Variants in CCDC171 observed in about 807,000 individuals in gnomAD.
The protein encoded by CCDC171 is coiled-coil domain-containing protein 171.
CCDC171 carries 177 observed loss-of-function variants against 168.2 expected under a neutral mutation model. The ratio of observed to expected loss-of-function variants is 1.05; its 90% CI spans 0.93 to 1.19. The LOEUF (loss-of-function observed/expected upper bound fraction) is 1.19. Ranked by LOEUF, CCDC171 falls within the 50% of genes most tolerant of loss-of-function variation. The pLI is 0.00. For synonymous variants in CCDC171, 687 were observed against 540.8 expected, an observed-to-expected ratio of 1.27 and a Z score of -3.75; for missense variants, 1,991 against 1,539.0, an observed-to-expected ratio of 1.29 and a Z score of -4.91.
intron 16 of CCDC171, among the ~76,000 whole-genome samples, chr9:15,733,514 A>G (rs2054285084): frequency 6.9e-6 from 1 of 145,782 alleles, no homozygotes; most frequent in South Asian, 2.1e-4. Context: ...TGTCCATTCC[A>G]GTAACATTTA....
At chr9:15,906,218 C>A (rs1053775375) in intron 24 of CCDC171, among the ~76,000 whole-genome samples, 1 of 152,078 alleles carries the variant, frequency 6.6e-6, no homozygotes, top group Non-Finnish European at 1.5e-5. Flanking sequence ...GAGACACAAC[C>A]CAAAAAGAGA....
At chr9:15,650,108 A>T (rs1292395249) in intron 7 of CCDC171, among the ~76,000 whole-genome samples, 1 of 152,230 alleles carries the variant, frequency 6.6e-6, no homozygotes, top group Non-Finnish European at 1.5e-5. Flanking sequence ...AGGGACATGG[A>T]TGAAGCTGGA....
intron 1 of CCDC171, among the ~76,000 whole-genome samples, chr9:16,044,496 G>A (rs1312601521): frequency 1.3e-5 from 2 of 150,206 alleles, no homozygotes; most frequent in East Asian, 3.9e-4. Flanking sequence ...AAAAAAGAAT[G>A]AAAAATATAG....
intron 6 of CCDC171, among the ~76,000 whole-genome samples, chr9:16,035,149 T>C (rs1168883239): frequency 6.6e-6 from 1 of 152,180 alleles, no homozygotes; most frequent in Non-Finnish European, 1.5e-5. Context: ...TGACTGCAGC[T>C]CTCAGCTAAT....
chr9:16,072,568 G>A, the CCDC171 span, among the ~76,000 whole-genome samples: 1 of 152,218 alleles, frequency 6.6e-6, no homozygotes, highest in Admixed American at 6.5e-5. Flanking sequence ...ATCTAGCTGT[G>A]GGATGAGTCC....
rs141489395 is a variant in CCDC171, at chr9:16,055,139, G to A, written n.90-5507G>A. 3.9e-5 allele frequency among the ~76,000 whole-genome samples: 6 copies of A among 152,362 alleles called. No individual in the cohort carries two copies. The East Asian group carries it at 1.2e-3, about 29-fold the overall frequency. On this transcript the variant is annotated intron_variant and non_coding_transcript_variant, in intron 1 of 1. Transcript: ENST00000478913. ...GGAGGACCTCAGATTTTTGACCTGA[G>A]CATTTAGAAAAATGGAGATGTCATT...
chr9:15,563,160 C>G (rs1179114810), intron 1 of CCDC171, among the ~76,000 whole-genome samples: 2 of 145,808 alleles, frequency 1.4e-5, no homozygotes, highest in Non-Finnish European at 3.0e-5. Context: ...TTTTTTGACA[C>G]GGAGTTTCTC....
intron 23 of CCDC171, among the ~76,000 whole-genome samples, chr9:15,867,985 C>G (rs1368524506): frequency 1.3e-5 from 2 of 151,966 alleles, no homozygotes; most frequent in African/African-American, 4.8e-5. Flanking sequence ...ACCCTATTTT[C>G]CAGCTTGATA....
chr9:15,729,211 C>G (rs930226419), intron 15 of CCDC171, among the ~76,000 whole-genome samples: 3 of 152,096 alleles, frequency 2.0e-5, no homozygotes, highest in Admixed American at 2.0e-4. Context: ...ATGGTTAGAA[C>G]ATTCTGCTTT....
chr9:15,721,044 A>C (rs2053446249), intron 11 of CCDC171, among the ~76,000 whole-genome samples: 1 of 152,194 alleles, frequency 6.6e-6, no homozygotes, highest in South Asian at 2.1e-4. Flanking sequence ...TGTGACCTTT[A>C]TTAGCTCAAC....
intron 19 of CCDC171, among the ~76,000 whole-genome samples, chr9:15,778,228 C>G (rs1178618921): frequency 7.3e-6 from 1 of 137,526 alleles, no homozygotes; most frequent in Non-Finnish European, 1.5e-5. Flanking sequence ...ACCCGGGAAG[C>G]GGAGCTTGCA....
chr9:15,837,790 T>TA (rs2060512967), intron 21 of CCDC171, among the ~76,000 whole-genome samples: 1 of 152,308 alleles, frequency 6.6e-6, no homozygotes, highest in Non-Finnish European at 1.5e-5. Flanking sequence ...TCAGATATGT[T>TA]AAAAAATAAC....
intron 3 of CCDC171, among the ~76,000 whole-genome samples, chr9:15,985,669 A>T (rs920770952): frequency 6.6e-6 from 1 of 152,370 alleles, no homozygotes; most frequent in South Asian, 2.1e-4. Flanking sequence ...TTAGGAAGAA[A>T]CAAGTTGTAC....
chr9:15,958,166 G>T (rs184535108), intron 25 of CCDC171, among the ~76,000 whole-genome samples: 65 of 152,112 alleles, frequency 4.3e-4, no homozygotes, highest in African/African-American at 1.4e-3. Context: ...ACAGGCAGGT[G>T]TATAGAGTAC....
chr9:15,954,268 G>A (rs1490886515), intron 25 of CCDC171, among the ~76,000 whole-genome samples: 3 of 150,994 alleles, frequency 2.0e-5, no homozygotes, highest in Non-Finnish European at 2.9e-5. Flanking sequence ...GTAAAGTTAG[G>A]TTGTCGATTT....
chr9:15,585,131 T>C (rs186599932), intron 4 of CCDC171, among the ~76,000 whole-genome samples: 1 of 152,338 alleles, frequency 6.6e-6, no homozygotes, highest in Non-Finnish European at 1.5e-5. Context: ...GGGACTCATA[T>C]TTTTTGTTAA....
downstream of CCDC171, among the ~76,000 whole-genome samples, chr9:15,976,722 C>T (rs890855011): frequency 1.1e-4 from 16 of 151,742 alleles, no homozygotes; most frequent in African/African-American, 3.9e-4. Context: ...ATTTCCTGGT[C>T]ATTTCTCCCT....
rs56112957 is a variant in CCDC171, at chr9:16,027,057, A to G, written n.998+4149A>G. Among the ~76,000 whole-genome samples the G allele has an allele frequency of 4.9e-3, 743 of 152,336 alleles. 15 individuals are homozygous for G. Among genetic ancestry groups the G allele is most frequent in the East Asian group, 0.037 (191 of 5,178 alleles). Reference sequence around the variant, plus strand: ...GCCTTGATATTGCACTTGGTGATGCAGGGCAGAAGTAGTTTGGTGGTTTCT... The same window carrying G: ...GCCTTGATATTGCACTTGGTGATGCGGGGCAGAAGTAGTTTGGTGGTTTCT... On this transcript the variant is annotated intron_variant and non_coding_transcript_variant, in intron 6 of 9. Coordinates refer to the CCDC171 transcript ENST00000486641.
chr9:16,057,219 T>C lies in CCDC171; in HGVS notation n.90-3427T>C, dbSNP rs150040752. ...AGCAAAGCTTATTAACCCCATTTTA[T>C]AGATGAAAATGATAAGAACCATGAA... On this transcript the variant is annotated intron_variant and non_coding_transcript_variant, in intron 1 of 1. Transcript: ENST00000478913. 3.9e-3 allele frequency among the ~76,000 whole-genome samples: 590 copies of C among 152,344 alleles called. 5 individuals are homozygous for C. The highest frequency in any genetic ancestry group is 0.014 in the African/African-American group (566 of 41,574).
Sources: gnomAD v4.1 joint callset for allele counts (sites outside exome capture counted in the v4.1 genomes callset) on GRCh38, gnomAD v4.1.1 for gene constraint, MANE v1.5 for transcripts, NCBI Gene and HGNC (gene_info 2026-07-23, HGNC 2026-07-21) for gene names.